Variants in AGBL1 observed in about 807,000 individuals in gnomAD.
The protein encoded by AGBL1 is AGBL carboxypeptidase 1.
In AGBL1, 130 loss-of-function variants were observed where a neutral mutation model predicts 118.9. The observed-to-expected ratio is 1.09, with a 90% confidence interval of 0.95 to 1.26. AGBL1 has a LOEUF of 1.26. AGBL1 is among the 50% of genes most tolerant of loss of function. AGBL1 has a pLI of 0.00. For missense variants in AGBL1, 1,584 were observed against 1,298.1 expected, an observed-to-expected ratio of 1.22 and a Z score of -3.38; for synonymous variants, 555 against 478.9, an observed-to-expected ratio of 1.16 and a Z score of -2.08.
At chr15:86,920,014 A>G (rs1182344056), downstream of AGBL1, among the ~76,000 whole-genome samples, 4 of 152,154 alleles carry the variant, frequency 2.6e-5, no homozygotes, top group African/African-American at 7.2e-5. Flanking sequence ...ATTACCACCA[A>G]TTTAGTGCTG....
intron 1 of AGBL1, among the ~76,000 whole-genome samples, chr15:86,085,168 T>C (rs1895554656): frequency 6.6e-6 from 1 of 151,956 alleles, no homozygotes; most frequent in African/African-American, 2.4e-5. Context: ...AAAAGAAAAT[T>C]TTATGGAAGT....
At chr15:86,278,986 G>A (rs1355182676) in intron 15 of AGBL1, among the ~76,000 whole-genome samples, 2 of 152,206 alleles carry the variant, frequency 1.3e-5, no homozygotes, top group Admixed American at 1.3e-4. Context: ...ATTGTACAGT[G>A]GAAAGAACAA....
intron 17 of AGBL1, among the ~76,000 whole-genome samples, chr15:86,377,319 G>C (rs775412176): frequency 6.6e-6 from 1 of 152,208 alleles, no homozygotes; most frequent in Non-Finnish European, 1.5e-5. Flanking sequence ...TCTCAGTCTT[G>C]TTGAGGTGAG....
intron 20 of AGBL1, among the ~76,000 whole-genome samples, chr15:86,550,358 A>T (rs572925225): frequency 5.3e-4 from 80 of 152,294 alleles, no homozygotes; most frequent in Non-Finnish European, 9.3e-4. Flanking sequence ...TTTAAAAAAT[A>T]GGTTCAAGTA....
intron 1 of AGBL1, among the ~76,000 whole-genome samples, chr15:86,082,272 C>T (rs1246630709): frequency 6.6e-6 from 1 of 152,234 alleles, no homozygotes; most frequent in Non-Finnish European, 1.5e-5. Flanking sequence ...GGTGAGCTCA[C>T]ATTGTTTCTG....
intron 6 of AGBL1, among the ~76,000 whole-genome samples, chr15:86,242,514 C>T (rs141599794): frequency 6.6e-6 from 1 of 152,246 alleles, no homozygotes; most frequent in African/African-American, 2.4e-5. Flanking sequence ...GAGCTTCTGG[C>T]TATATGCAAG....
At chr15:86,351,905 G>C (rs1191501623) in intron 17 of AGBL1, among the ~76,000 whole-genome samples, 5 of 152,026 alleles carry the variant, frequency 3.3e-5, no homozygotes, top group African/African-American at 1.2e-4. Flanking sequence ...TAGACCAAGG[G>C]TGTTCTTTGA....
At chr15:87,009,590 G>A (rs1246542690) in intron 24 of AGBL1, among the ~76,000 whole-genome samples, 3 of 152,118 alleles carry the variant, frequency 2.0e-5, no homozygotes, top group African/African-American at 2.4e-5. Context: ...CCCCCAGAAC[G>A]ATAAATCCAC....
intron 6 of AGBL1, among the ~76,000 whole-genome samples, chr15:86,237,169 T>C (rs1442081435): frequency 1.3e-5 from 2 of 152,204 alleles, no homozygotes; most frequent in Admixed American, 6.5e-5. Context: ...CTTTCCTCTG[T>C]ATCTGCCTAA....
chr15:86,262,648 G>A (rs1040737336), intron 9 of AGBL1, 130 bp from the exon 10 acceptor site: 3 of 709,244 alleles, frequency 4.2e-6, no homozygotes, highest in Non-Finnish European at 7.7e-6. Context: ...CACTGGATGG[G>A]CCAGTGCTAT....
intron 22 of AGBL1, among the ~76,000 whole-genome samples, chr15:86,717,201 A>C (rs1278348971): frequency 6.6e-6 from 1 of 152,200 alleles, no homozygotes; most frequent in Non-Finnish European, 1.5e-5. Flanking sequence ...AAATGTGATA[A>C]GAGCTGAGAA....
chr15:86,730,433 C>T (rs982083466), intron 22 of AGBL1, among the ~76,000 whole-genome samples: 16 of 152,182 alleles, frequency 1.1e-4, no homozygotes, highest in African/African-American at 3.6e-4. Flanking sequence ...CTCCATTAAA[C>T]ATGGGCAAAG....
At chr15:86,779,996 T>A (rs186159650) in intron 22 of AGBL1, among the ~76,000 whole-genome samples, 3 of 152,260 alleles carry the variant, frequency 2.0e-5, no homozygotes, top group African/African-American at 7.2e-5. Flanking sequence ...TCTAATGTAC[T>A]ATAACTTATT....
At chr15:86,737,709 C>G (rs775057870) in intron 22 of AGBL1, among the ~76,000 whole-genome samples, 5 of 152,148 alleles carry the variant, frequency 3.3e-5, no homozygotes, top group African/African-American at 1.2e-4. Flanking sequence ...TACTGCTGCT[C>G]TGCTCCTTTT....
At position 86,834,378 on chromosome 15, in the gene AGBL1, T is replaced by A. The variant is rs1220601796; in HGVS notation, c.3159-72709T>A. ...GATCATGAATGTCATGGTCTCAGAA[T>A]CAGCTCTATGGCACCAGGGAATTTA... On this transcript the variant is annotated intron_variant, in intron 22 of 22. Coordinates refer to ENST00000614907, the MANE Select transcript of AGBL1 (RefSeq NM_001386094.1). Among the ~76,000 whole-genome samples, 4 of 152,244 alleles carry A rather than the reference T, an allele frequency of 2.6e-5. No individual in the cohort carries two copies. The East Asian group carries it at 7.7e-4, about 29-fold the overall frequency.
At chr15:86,444,088 C>A (rs2082094856) in intron 18 of AGBL1, among the ~76,000 whole-genome samples, 1 of 152,140 alleles carries the variant, frequency 6.6e-6, no homozygotes, top group Admixed American at 6.5e-5. Context: ...ACCAGCATTC[C>A]CCTTTCTCCA....
intron 3 of AGBL1, among the ~76,000 whole-genome samples, chr15:86,146,215 C>A (rs952789594): frequency 6.6e-6 from 1 of 152,146 alleles, no homozygotes. Context: ...TTCAGTTAAC[C>A]TTGGATTGAA....
chr15:86,621,754 C>T (rs901264766), intron 21 of AGBL1, among the ~76,000 whole-genome samples: 1 of 152,204 alleles, frequency 6.6e-6, no homozygotes, highest in Admixed American at 6.5e-5. Flanking sequence ...TTTATTCTCT[C>T]TCACACTCAG....
intron 1 of AGBL1, among the ~76,000 whole-genome samples, chr15:86,092,570 A>G (rs1029797268): frequency 9.2e-5 from 14 of 152,276 alleles, no homozygotes; most frequent in South Asian, 2.1e-4. Context: ...CAGGGAAAAG[A>G]GCAAAACTCT....
Sources: allele counts gnomAD v4.1 joint callset (sites outside exome capture counted in the v4.1 genomes callset), GRCh38; gene constraint gnomAD v4.1.1; transcripts MANE v1.5; gene names NCBI Gene and HGNC (gene_info 2026-07-23, HGNC 2026-07-21).